CAPN6: variants seen among roughly 807,000 people sequenced by gnomAD.
CAPN6 encodes calpain-6.
Under a neutral mutation model 46.0 loss-of-function variants are expected in CAPN6, and 16 were observed. The observed-to-expected ratio is 0.35, with a 90% confidence interval of 0.24 to 0.53. The LOEUF (loss-of-function observed/expected upper bound fraction) is 0.53, where lower values mean the gene tolerates loss of function less well. CAPN6 is among the 20% of genes least tolerant of loss of function. The pLI is 0.94. For synonymous variants in CAPN6, 206 were observed against 172.8 expected (o/e 1.19, Z -1.51); for missense variants, 461 against 498.0 (o/e 0.93, Z 0.71).
intron 2 of CAPN6, among the ~76,000 whole-genome samples, chrX:111,263,259 T>A (rs2094989313): frequency 8.9e-6 from 1 of 111,994 alleles, no homozygotes; most frequent in South Asian, 3.7e-4. Context: ...GATGAACAAA[T>A]TTTGGCATAT....
chrX:111,262,830 C>T (rs1415441478), intron 2 of CAPN6, among the ~76,000 whole-genome samples: 2 of 112,075 alleles, frequency 1.8e-5, no homozygotes, highest in African/African-American at 3.2e-5. Flanking sequence ...CAGAGAACCA[C>T]AACAACTATT....
At chrX:111,257,820 A>G (rs2094985049) in intron 2 of CAPN6, among the ~76,000 whole-genome samples, 1 of 111,517 alleles carries the variant, frequency 9.0e-6, no homozygotes, top group African/African-American at 3.3e-5. Context: ...GTGGCTTAGG[A>G]GCAAGGAGGG....
chrX:111,264,043 G>T, intron 1 of CAPN6, 92 bp from the exon 2 acceptor site: 1 of 556,440 alleles, frequency 1.8e-6, no homozygotes, highest in Non-Finnish European at 2.8e-6. Flanking sequence ...TCATCCCAGT[G>T]ACTTCTTCCC....
intron 7 of CAPN6, 52 bp from the exon 8 acceptor site, chrX:111,251,155 A>T: frequency 2.5e-6 from 3 of 1,202,854 alleles, no homozygotes; most frequent in Non-Finnish European, 3.4e-6. Flanking sequence ...AATACTTAAC[A>T]CTGTAGTTCC....
At chrX:111,269,746 C>T (rs762866876) in intron 1 of CAPN6, among the ~76,000 whole-genome samples, 16 of 111,767 alleles carry the variant, frequency 1.4e-4, no homozygotes, top group Non-Finnish European at 2.8e-4. Context: ...AGGCCAGAGG[C>T]TGAAAATGGA....
intron 2 of CAPN6, among the ~76,000 whole-genome samples, chrX:111,262,214 A>G (rs2094988463): frequency 8.9e-6 from 1 of 112,453 alleles, no homozygotes. Context: ...AACTGCAGAC[A>G]CAGAAAGGCA....
intron 11 of CAPN6, 140 bp from the exon 12 acceptor site, chrX:111,247,644 A>C: frequency 1.5e-6 from 1 of 679,839 alleles, no homozygotes; most frequent in East Asian, 3.3e-5. Context: ...CAACACTTTT[A>C]TTCCCACTTC....
intron 2 of CAPN6, among the ~76,000 whole-genome samples, chrX:111,261,813 A>G (rs1182023419): frequency 1.8e-5 from 2 of 110,480 alleles, no homozygotes; most frequent in Non-Finnish European, 1.9e-5. Flanking sequence ...CCTCCACCTC[A>G]CCCCTATCAA....
Position 111,245,810 on chromosome X carries a change from C to T in CAPN6, c.*767G>A, listed in dbSNP as rs966149349. ...TGTGTGGATGGGTGGGGGACCGAGGCTTTGTCTCCCACTGCAGCTTCTTCC... is the reference window on the plus strand; with the variant it reads ...TGTGTGGATGGGTGGGGGACCGAGGTTTTGTCTCCCACTGCAGCTTCTTCC... On this transcript the variant is annotated 3_prime_UTR_variant, in exon 13 of 13. Transcript: ENST00000324068. 1 of 112,927 alleles carries T rather than the reference C, an allele frequency of 8.9e-6. No homozygotes were observed. The highest frequency in any genetic ancestry group is 3.2e-5 in the African/African-American group (1 of 30,864). The allele number at this position is 112,927 out of a possible 1,213,427, so 9.3% of individuals were successfully genotyped here.
At chrX:111,247,295 T>G in intron 12 of CAPN6, 73 bp downstream of exon 12, 7 of 911,787 alleles carry the variant, frequency 7.7e-6, no homozygotes, top group Non-Finnish European at 1.0e-5. Flanking sequence ...TAAACATATA[T>G]AAGGTACTTG....
intron 2 of CAPN6, among the ~76,000 whole-genome samples, chrX:111,258,753 TC>T (rs2094985728): frequency 8.9e-6 from 1 of 112,100 alleles, no homozygotes; most frequent in Non-Finnish European, 1.9e-5. Flanking sequence ...CACTGTGTAA[TC>T]ATTTTCTCAC....
At chrX:111,266,944 A>G (rs1376474193) in intron 1 of CAPN6, among the ~76,000 whole-genome samples, 1 of 112,776 alleles carries the variant, frequency 8.9e-6, no homozygotes, top group Non-Finnish European at 1.9e-5. Context: ...GGAGAATCTG[A>G]ACTCTTTACA....
intron 8 of CAPN6, 28 bp downstream of exon 8, chrX:111,250,889 T>C: frequency 1.7e-6 from 2 of 1,188,419 alleles, no homozygotes; most frequent in Non-Finnish European, 2.3e-6. Flanking sequence ...TGGATAACTT[T>C]GAGGCAAATA....
Position 111,254,349 on chromosome X carries a change from T to A in CAPN6, c.220A>T (p.Thr74Ser). ...GGCTTGTGCCCCAGTCTCCCTTGGGTCAGCTGGTGGTTGCTAATGTTGCCC... is the reference window on the plus strand; with the variant it reads ...GGCTTGTGCCCCAGTCTCCCTTGGGACAGCTGGTGGTTGCTAATGTTGCCC... ...IVGNISNHQL[T>S]QGRLGHKPMV... The change falls in exon 3 of 13, where the codon ACC (threonine) becomes TCC (serine). Residue 74 changes from threonine (T) to serine (S), a missense_variant. Physicochemically the swap from Thr to Ser is moderately conservative, Grantham distance 58. Coordinates refer to ENST00000324068, the MANE Select transcript of CAPN6 (RefSeq NM_014289.4). The A allele has an allele frequency of 8.3e-7, 1 of 1,209,617 alleles. No individual in the cohort carries two copies. Among genetic ancestry groups the A allele is most frequent in the Non-Finnish European group, 1.1e-6 (1 of 893,975 alleles).
chrX:111,263,417 A>C (rs1365153972), intron 2 of CAPN6, among the ~76,000 whole-genome samples: 2 of 111,607 alleles, frequency 1.8e-5, no homozygotes, highest in Non-Finnish European at 1.9e-5. Context: ...TTTCTAAGTA[A>C]ATCTGTCAAA....
chrX:111,257,472 A>C, intron 2 of CAPN6, among the ~76,000 whole-genome samples: 1 of 112,442 alleles, frequency 8.9e-6, no homozygotes. Flanking sequence ...ATTAAGCCCT[A>C]TCTTCTGCCT....
chrX:111,253,096 A>C lies in CAPN6; in HGVS notation c.418T>G (p.Leu140Val). 8.3e-7 allele frequency: 1 copy of C among 1,209,852 alleles called. No individual in the cohort carries two copies. The highest frequency in any genetic ancestry group is 1.1e-6 in the Non-Finnish European group (1 of 893,411). The stretch of plus-strand genomic sequence containing the variant: ...ACCAGATCTCCGTTAATGGTGGGCA[A>C]CAAGTCATCAATCACCACTTCAGTC... ...EWTEVVIDDL[L>V]PTINGDLVFS... The change falls in exon 4 of 13, where the codon TTG (leucine) becomes GTG (valine). Residue 140 changes from leucine to valine, a missense_variant. Leu to Val is a conservative substitution (Grantham distance 32). Coordinates refer to ENST00000324068, the MANE Select transcript of CAPN6 (RefSeq NM_014289.4).
In CAPN6 at chrX:111,251,009, C is replaced by T; in HGVS notation, c.1066G>A (p.Val356Met). The T allele has an allele frequency of 8.3e-7, 1 of 1,211,515 alleles. No homozygotes were observed. Among genetic ancestry groups the T allele is most frequent in the Non-Finnish European group, 1.1e-6 (1 of 895,361 alleles). Reference sequence around the variant, plus strand: ...TCATCCACAGTCCAGCATCCCAACACCGATTCCAGCTCCTTTCGGCCAAAA... The same window carrying T: ...TCATCCACAGTCCAGCATCCCAACATCGATTCCAGCTCCTTTCGGCCAAAA... ...PIFGRKELES[V>M]LGCWTVDDDP... is the part of the protein sequence containing the mutation. The change falls in exon 8 of 13, where the codon GTG becomes ATG. Residue 356 changes from valine to methionine, a missense_variant. Physicochemically the swap from Val to Met is conservative, Grantham distance 21. Transcript: ENST00000324068.
At chrX:111,267,290 G>A (rs2094992694) in intron 1 of CAPN6, among the ~76,000 whole-genome samples, 1 of 104,575 alleles carries the variant, frequency 9.6e-6, no homozygotes, top group South Asian at 3.9e-4. Context: ...TGGAATGAGC[G>A]GTTGGGTGAG....
Sources: gnomAD v4.1 joint callset for allele counts (sites outside exome capture counted in the v4.1 genomes callset) on GRCh38, gnomAD v4.1.1 for gene constraint, MANE v1.5 for transcripts, NCBI Gene and HGNC (gene_info 2026-07-23, HGNC 2026-07-21) for gene names.